RALGAPA1: variants seen among roughly 807,000 people sequenced by gnomAD.
The protein encoded by RALGAPA1 is ral GTPase-activating protein subunit alpha-1.
Under a neutral mutation model 269.6 loss-of-function variants are expected in RALGAPA1, and 52 were observed. The ratio of observed to expected loss-of-function variants is 0.19; its 90% CI spans 0.15 to 0.24. The LOEUF is 0.24. RALGAPA1 is among the 10% of genes least tolerant of loss of function. The pLI, the probability that RALGAPA1 is intolerant of heterozygous loss-of-function variation, is 1.00. For missense variants in RALGAPA1, 1,917 were observed against 3,013.9 expected (o/e 0.64, Z 8.52); for synonymous variants, 817 against 1,008.3 (o/e 0.81, Z 3.60).
At chr14:35,792,042 C>T (rs2076215847) in intron 1 of RALGAPA1, among the ~76,000 whole-genome samples, 1 of 151,258 alleles carries the variant, frequency 6.6e-6, no homozygotes, top group African/African-American at 2.4e-5. Flanking sequence ...CAACACTTAG[C>T]TGAAAAGGGA....
At position 35,632,367 on chromosome 14, in the gene RALGAPA1, ACT is replaced by A. The variant is rs375050531; in HGVS notation, c.5995+2205_5995+2206del. On this transcript the variant is annotated intron_variant, in intron 33 of 41. Transcript: ENST00000680220. The stretch of plus-strand genomic sequence containing the variant: ...TGTGTAACTAGCATTCATTTAAATA[ACT>A]CTATTCAGGGTTGTCTCTTCAGATT... Among the ~76,000 whole-genome samples the A allele has an allele frequency of 5.3e-5, 8 of 152,214 alleles. No individual in the cohort carries two copies. The East Asian group carries it at 1.5e-3, about 29-fold the overall frequency.
At position 35,559,798 on chromosome 14, in the gene RALGAPA1, C is replaced by T. The variant is rs145083401; in HGVS notation, c.7497-10564G>A. ...ACAAAAGTACTTTATTCATCAATAA[C>T]GTGTAAAAGTGTAATAATGTGTAAA... is the stretch of plus-strand genomic sequence containing the variant. On this transcript the variant is annotated intron_variant, in intron 39 of 41. Transcript: ENST00000680220. 7.2e-5 allele frequency among the ~76,000 whole-genome samples: 11 copies of T among 152,134 alleles called. 1 individual carries two copies. The highest frequency in any genetic ancestry group is 2.1e-4 in the South Asian group (1 of 4,818).
At chr14:35,648,916 T>C (rs183868234) in intron 31 of RALGAPA1, among the ~76,000 whole-genome samples, 19 of 152,350 alleles carry the variant, frequency 1.2e-4, no homozygotes, top group African/African-American at 4.3e-4. Context: ...TACTAGTCCT[T>C]TCAGTCACTT....
At chr14:35,794,247 G>A (rs557152277) in intron 1 of RALGAPA1, among the ~76,000 whole-genome samples, 12 of 152,210 alleles carry the variant, frequency 7.9e-5, no homozygotes, top group African/African-American at 2.6e-4. Context: ...GGTCGAGGCG[G>A]TCAGATAACT....
At position 35,781,646 on chromosome 14, in the gene RALGAPA1, AC is replaced by A. The variant is rs553013397; in HGVS notation, c.107-5902del. ...CACACACACTCACTATGACTAAGTG[AC>A]ATTCATCCCAGAAGGCAAGGTTGGT... is the stretch of plus-strand genomic sequence containing the variant. On this transcript the variant is annotated intron_variant, in intron 1 of 41. Transcript: ENST00000680220. Among the ~76,000 whole-genome samples, 12 of 152,202 alleles carry A rather than the reference AC, an allele frequency of 7.9e-5. No individual in the cohort carries two copies. The South Asian group carries it at 2.3e-3, about 29-fold the overall frequency.
At position 35,674,174 on chromosome 14, in the gene RALGAPA1, G is replaced by A. The variant is rs746564258; in HGVS notation, c.4917+6C>T. The A allele has an allele frequency of 6.3e-7, 1 of 1,582,920 alleles. No homozygotes were observed. Among genetic ancestry groups the A allele is most frequent in the East Asian group, 2.2e-5 (1 of 44,502 alleles). ...TTTAAACTAATATTTTATATATTAA[G>A]CTTACCTTAAAAAGCCAAGGTGTAA... On this transcript the variant is annotated splice_donor_region_variant and intron_variant, in intron 24 of 41. Coordinates refer to ENST00000680220, the MANE Select transcript of RALGAPA1 (RefSeq NM_001346249.2).
chr14:35,767,645 G>A (rs554311081), intron 4 of RALGAPA1, among the ~76,000 whole-genome samples: 3 of 152,156 alleles, frequency 2.0e-5, no homozygotes, highest in South Asian at 2.1e-4. Context: ...CCAAGACAGC[G>A]TCACTGCACT....
In RALGAPA1 at chr14:35,678,050, A is replaced by G. The variant is rs1430649816; in HGVS notation, c.4524T>C (p.Thr1508=). 3 of 1,611,122 alleles carry G rather than the reference A, an allele frequency of 1.9e-6. No homozygotes were observed. The African/African-American group carries it at 4.0e-5, about 22-fold the overall frequency. Residue 1508 remains threonine (T), a synonymous_variant, in exon 22 of 42, where the codon ACT becomes ACC. Coordinates refer to ENST00000680220, the MANE Select transcript of RALGAPA1 (RefSeq NM_001346249.2). ...VHSPLGSRSQ[T]PSPSTLNIDH... ...CTATATTCAATGTAGAAGGGGAAGG[A>G]GTCTGTGACCTGGAGCCCAGAGGTG...
chr14:35,569,954 A>G (rs2057039222), intron 39 of RALGAPA1, among the ~76,000 whole-genome samples: 1 of 152,160 alleles, frequency 6.6e-6, no homozygotes, highest in Non-Finnish European at 1.5e-5. Flanking sequence ...TAATTAACCA[A>G]AAGATTAGTA....
At chr14:35,578,993 T>A (rs2057765659) in intron 37 of RALGAPA1, among the ~76,000 whole-genome samples, 1 of 152,092 alleles carries the variant, frequency 6.6e-6, no homozygotes, top group Non-Finnish European at 1.5e-5. Context: ...GATAAATCTA[T>A]AAAGAAAATA....
intron 36 of RALGAPA1, among the ~76,000 whole-genome samples, chr14:35,600,008 A>G (rs1594763492): frequency 6.6e-6 from 1 of 152,088 alleles, no homozygotes; most frequent in Admixed American, 6.5e-5. Context: ...ACCTTTTTGA[A>G]TCTACAGCTT....
intron 12 of RALGAPA1, among the ~76,000 whole-genome samples, chr14:35,729,063 C>G (rs975949789): frequency 1.3e-5 from 2 of 151,702 alleles, no homozygotes; most frequent in Non-Finnish European, 2.9e-5. Flanking sequence ...AACTGAGAAG[C>G]TTTAATAACT....
At chr14:35,792,516 C>T (rs1008345724) in intron 1 of RALGAPA1, among the ~76,000 whole-genome samples, 1 of 152,004 alleles carries the variant, frequency 6.6e-6, no homozygotes, top group Non-Finnish European at 1.5e-5. Flanking sequence ...GGCATGGTGG[C>T]TCATGCCTGT....
chr14:35,577,788 T>TTC (rs1285333321), intron 37 of RALGAPA1, among the ~76,000 whole-genome samples: 1 of 152,236 alleles, frequency 6.6e-6, no homozygotes, highest in Non-Finnish European at 1.5e-5. Context: ...TCTTCCTGAC[T>TTC]TCTCCATTTC....
chr14:35,802,026 C>CTTTTT (rs1375841327), intron 1 of RALGAPA1, among the ~76,000 whole-genome samples: 48 of 152,278 alleles, frequency 3.2e-4, no homozygotes, highest in African/African-American at 1.1e-3. Flanking sequence ...ACTAACAGAA[C>CTTTTT]TGGCTGGGTG....
chr14:35,802,858 T>TTC (rs1177428204), intron 1 of RALGAPA1, among the ~76,000 whole-genome samples: 1 of 152,030 alleles, frequency 6.6e-6, no homozygotes, highest in Admixed American at 6.6e-5. Context: ...TTTCTTTTTT[T>TTC]TCTCTTTTTT....
At chr14:35,709,670 T>TA (rs2068124170) in intron 16 of RALGAPA1, among the ~76,000 whole-genome samples, 1 of 152,160 alleles carries the variant, frequency 6.6e-6, no homozygotes, top group African/African-American at 2.4e-5. Context: ...TCTTTCTTCT[T>TA]TAGTAATATA....
chr14:35,640,174 GA>G (rs963630281), intron 31 of RALGAPA1, among the ~76,000 whole-genome samples: 128 of 151,906 alleles, frequency 8.4e-4, no homozygotes, highest in African/African-American at 3.0e-3. Context: ...GCATCTTAAA[GA>G]ACCAGAAAAG....
At chr14:35,568,344 A>G (rs2056879997) in intron 39 of RALGAPA1, among the ~76,000 whole-genome samples, 1 of 152,150 alleles carries the variant, frequency 6.6e-6, no homozygotes, top group East Asian at 1.9e-4. Context: ...AATCCAAAAA[A>G]ATCTGAAATC....
Sources: allele counts gnomAD v4.1 joint callset (sites outside exome capture counted in the v4.1 genomes callset), GRCh38; gene constraint gnomAD v4.1.1; transcripts MANE v1.5; gene names NCBI Gene and HGNC (gene_info 2026-07-23, HGNC 2026-07-21).